DDB1: variants seen among roughly 807,000 people sequenced by gnomAD.
The protein encoded by DDB1 is damage specific DNA binding protein 1.
A neutral mutation model predicts 133.1 loss-of-function variants in DDB1; 18 were observed. The observed-to-expected ratio is 0.14, with a 90% confidence interval of 0.09 to 0.20. The LOEUF is 0.20. DDB1 is among the 10% of genes least tolerant of loss of function. The probability of loss-of-function intolerance (pLI) is 1.00; values close to 1 mark genes in which losing one functional copy is unlikely to be tolerated. For synonymous variants in DDB1, 580 were observed against 550.5 expected (o/e 1.05, Z -0.75); for missense variants, 828 against 1,459.2 (o/e 0.57, Z 7.05).
chr11:61,321,458 T>C (rs534562142), intron 10 of DDB1, 137 bp downstream of exon 10: 26 of 668,190 alleles, frequency 3.9e-5, no homozygotes, highest in Middle Eastern at 6.8e-4. Context: ...ATGTTTAAGC[T>C]TCTGATCTGT....
At chr11:61,307,295 C>G (rs1855894840) in intron 21 of DDB1, among the ~76,000 whole-genome samples, 1 of 152,266 alleles carries the variant, frequency 6.6e-6, no homozygotes, top group South Asian at 2.1e-4. Context: ...CTCCTACTCT[C>G]CGCTGAGGCG....
intron 6 of DDB1, among the ~76,000 whole-genome samples, chr11:61,324,642 C>T (rs536884652): frequency 6.6e-6 from 1 of 152,250 alleles, no homozygotes; most frequent in East Asian, 1.9e-4. Flanking sequence ...AAGCCATCCT[C>T]CCAAGTGGCT....
At chr11:61,326,000 T>C in intron 5 of DDB1, 1 of 479,338 alleles carries the variant, frequency 2.1e-6, no homozygotes. Context: ...CCCATTTTTC[T>C]TCTCAACTTC....
At position 61,312,084 on chromosome 11, in the gene DDB1, G is replaced by A; in HGVS notation, c.2070C>T (p.Ser690=). 3 of 1,614,182 alleles carry A rather than the reference G, an allele frequency of 1.9e-6. No individual in the cohort carries two copies. Among genetic ancestry groups the A allele is most frequent in the Non-Finnish European group, 2.5e-6 (3 of 1,180,014 alleles). Residue 690 remains serine, a splice_region_variant and synonymous_variant, in exon 17 of 27, where the codon AGC becomes AGT. Transcript: ENST00000301764. ...GGGTGCTATTGTTGGCCAGCGCCAG[G>A]CTGGAAAGAAGGGTCTGGGTTTAGA... ...CPLNSDGYPD[S]LALANNSTLT... is the part of the protein sequence containing the mutation.
intron 20 of DDB1, 109 bp downstream of exon 20, chr11:61,309,687 A>C: frequency 8.4e-7 from 1 of 1,193,736 alleles, no homozygotes; most frequent in Non-Finnish European, 1.2e-6. Flanking sequence ...TACAGCAATG[A>C]ACCCAACTTC....
chr11:61,326,946 A>G (rs1856280228), intron 4 of DDB1, 53 bp from the exon 5 acceptor site: 2 of 1,359,984 alleles, frequency 1.5e-6, no homozygotes, highest in African/African-American at 2.9e-5. Flanking sequence ...GCCTTGGGCT[A>G]GAGAGAGGTG....
intron 21 of DDB1, among the ~76,000 whole-genome samples, chr11:61,306,274 T>C (rs1312039510): frequency 6.6e-6 from 1 of 152,210 alleles, no homozygotes; most frequent in Admixed American, 6.5e-5. Flanking sequence ...AAGGGCCTTG[T>C]GGCCCTCTTA....
chr11:61,305,468 T>C (rs1367562870), intron 21 of DDB1, among the ~76,000 whole-genome samples: 2 of 152,136 alleles, frequency 1.3e-5, no homozygotes, highest in African/African-American at 2.4e-5. Context: ...GACTGCGCCA[T>C]TGCACTCCAG....
chr11:61,310,008 C>T, intron 19 of DDB1, 48 bp from the exon 20 acceptor site: 1 of 1,611,542 alleles, frequency 6.2e-7, no homozygotes, highest in East Asian at 2.2e-5. Context: ...CCCATATCTG[C>T]ACGCACACAT....
In DDB1 at chr11:61,314,411, T is replaced by G. The variant is rs776244531; in HGVS notation, c.1486A>C (p.Lys496Gln). Residue 496 changes from lysine (K) to glutamine (Q), a missense_variant, in exon 13 of 27, where the codon AAG (lysine) becomes CAG (glutamine). Physicochemically the swap from Lys to Gln is moderately conservative, Grantham distance 53 (BLOSUM62 1). Transcript: ENST00000301764. ...TTGCAGGAGGCCACACTGATGTTCT[T>G]GGCCTGAGGCTCCTTCCATTCACTG... ...LVSEWKEPQAKNISVASCNSS... is the reference protein window; with the variant it reads ...LVSEWKEPQAQNISVASCNSS... 1 of 1,614,242 alleles carries G rather than the reference T, an allele frequency of 6.2e-7. No individual in the cohort carries two copies. Among genetic ancestry groups the G allele is most frequent in the Admixed American group, 1.7e-5 (1 of 60,030 alleles).
chr11:61,302,625 G>T lies in DDB1; in HGVS notation c.3069C>A (p.Pro1023=). Residue 1023 remains proline (P), a synonymous_variant, in exon 24 of 27, where the codon CCC becomes CCA. Coordinates refer to ENST00000301764, the MANE Select transcript of DDB1 (RefSeq NM_001923.5). ...VMQNLGETST[P]TQGSVLFGTV... Reference sequence around the variant, plus strand: ...TGCCGAAGAGCACCGAGCCTTGTGTGGGGGTGGAAGTCTCACCCAGATTCT... The same window carrying T: ...TGCCGAAGAGCACCGAGCCTTGTGTTGGGGTGGAAGTCTCACCCAGATTCT... 1.2e-6 allele frequency: 2 copies of T among 1,614,210 alleles called. No homozygotes were observed. The highest frequency in any genetic ancestry group is 1.7e-6 in the Non-Finnish European group (2 of 1,180,030).
At position 61,311,777 on chromosome 11, in the gene DDB1, C is replaced by T. The variant is rs1446837056; in HGVS notation, c.2277+7G>A. 5 of 1,610,498 alleles carry T rather than the reference C, an allele frequency of 3.1e-6. No individual in the cohort carries two copies. The highest frequency in any genetic ancestry group is 4.2e-6 in the Non-Finnish European group (5 of 1,178,522). ...TAAGGTCATCTTTCTTTGTCCACTG[C>T]CCTTACCTGGGTGCTAGCGCTGGGC... On this transcript the variant is annotated splice_region_variant and intron_variant, in intron 18 of 26. Transcript: ENST00000301764.
chr11:61,313,448 C>T, intron 16 of DDB1, 51 bp downstream of exon 16: 3 of 1,525,392 alleles, frequency 2.0e-6, no homozygotes, highest in Non-Finnish European at 2.7e-6. Context: ...AGGAAAACAT[C>T]ATGACCCCCT....
chr11:61,322,933 G>A (rs2134928558), intron 8 of DDB1, 78 bp downstream of exon 8: 1 of 1,166,776 alleles, frequency 8.6e-7, no homozygotes, highest in East Asian at 2.5e-5. Flanking sequence ...GATTCTGAGA[G>A]GTGCCAAACA....
chr11:61,305,864 G>A (rs1046401638), intron 21 of DDB1, among the ~76,000 whole-genome samples: 14 of 152,178 alleles, frequency 9.2e-5, no homozygotes, highest in African/African-American at 3.1e-4. Flanking sequence ...AGTCCATGTT[G>A]AGATGTGTTC....
At position 61,316,324 on chromosome 11, in the gene DDB1, A is replaced by G. The variant is rs1432874544; in HGVS notation, c.1371T>C (p.Thr457=). 2.5e-6 allele frequency: 4 copies of G among 1,614,198 alleles called. No homozygotes were observed. Among genetic ancestry groups the G allele is most frequent in the Non-Finnish European group, 2.5e-6 (3 of 1,180,040 alleles). Residue 457 remains threonine (T), a synonymous_variant, in exon 12 of 27, where the codon ACT becomes ACC. Coordinates refer to ENST00000301764, the MANE Select transcript of DDB1 (RefSeq NM_001923.5). ...GATGAGCCACGTTGCCACAGAAGAA[A>G]GTCTGCTGATCATCCACGAAACCCA... is the stretch of plus-strand genomic sequence containing the variant. ...ELMGFVDDQQ[T]FFCGNVAHQQ...
At chr11:61,320,432 C>A (rs1239985369) in intron 10 of DDB1, among the ~76,000 whole-genome samples, 1 of 152,072 alleles carries the variant, frequency 6.6e-6, no homozygotes, top group Non-Finnish European at 1.5e-5. Flanking sequence ...AACTCCTGGC[C>A]TCAGGTAATC....
chr11:61,308,558 A>G (rs1855912650), intron 21 of DDB1, among the ~76,000 whole-genome samples: 1 of 152,190 alleles, frequency 6.6e-6, no homozygotes, highest in East Asian at 1.9e-4. Flanking sequence ...GATATACAAA[A>G]TTTTTGTCAA....
Position 61,299,731 on chromosome 11 carries a change from A to G in DDB1, c.*405T>C, listed in dbSNP as rs1855760428. On this transcript the variant is annotated 3_prime_UTR_variant, in exon 27 of 27. Coordinates refer to ENST00000301764, the MANE Select transcript of DDB1 (RefSeq NM_001923.5). The stretch of plus-strand genomic sequence containing the variant: ...TCTTCCCCACTACCCACAACTCCCT[A>G]CACTGCCAATCTAAATAAAAAGAGG... 1 of 236,924 alleles carries G rather than the reference A, an allele frequency of 4.2e-6. No individual in the cohort carries two copies. Among genetic ancestry groups the G allele is most frequent in the African/African-American group, 2.3e-5 (1 of 44,246 alleles). 14.7% of individuals were successfully genotyped at this position (236,924 alleles called of 1,614,324 possible). A position where few individuals can be genotyped will look rare whatever the true frequency, so the allele number is the denominator to read the frequency against.
Sources: allele counts gnomAD v4.1 joint callset (sites outside exome capture counted in the v4.1 genomes callset), GRCh38; gene constraint gnomAD v4.1.1; transcripts MANE v1.5; gene names NCBI Gene and HGNC (gene_info 2026-07-23, HGNC 2026-07-21).